The following RBKS variants were observed in gnomAD, a reference collection of about 807,000 sequenced individuals.
The protein encoded by RBKS is ribokinase.
Under a neutral mutation model 33.9 loss-of-function variants are expected in RBKS, and 33 were observed. The observed-to-expected ratio is 0.97, with a 90% CI of 0.74 to 1.30. RBKS has a LOEUF of 1.30. RBKS is among the 50% of genes most tolerant of loss of function. The pLI is 0.00. For synonymous variants in RBKS, 125 were observed against 143.0 expected (o/e 0.87, Z 0.90); for missense variants, 361 against 392.6 (o/e 0.92, Z 0.68).
At chr2:27,844,263 G>GAAAA (rs1348408045) in intron 4 of RBKS, among the ~76,000 whole-genome samples, 6 of 84,120 alleles carry the variant, frequency 7.1e-5, no homozygotes, top group Admixed American at 1.2e-4. Context: ...CTCTGTCTCA[G>GAAAA]AAAAAAAAAA....
chr2:27,832,373 TA>T (rs1252688518), intron 6 of RBKS, among the ~76,000 whole-genome samples: 1 of 152,206 alleles, frequency 6.6e-6, no homozygotes, highest in Non-Finnish European at 1.5e-5. Flanking sequence ...CTGGCAACTT[TA>T]ATATAGTCCT....
intron 7 of RBKS, among the ~76,000 whole-genome samples, chr2:27,807,245 A>ATATC (rs1441086830): frequency 6.6e-6 from 1 of 152,254 alleles, no homozygotes; most frequent in Admixed American, 6.5e-5. Context: ...ACATTGTGAG[A>ATATC]TGTTCACTAT....
At chr2:27,878,131 T>C (rs557322557) in intron 1 of RBKS, among the ~76,000 whole-genome samples, 186 of 152,030 alleles carry the variant, frequency 1.2e-3, no homozygotes, top group Non-Finnish European at 2.1e-3. Context: ...GCTGCACCCA[T>C]TAACTCGTCA....
intron 7 of RBKS, among the ~76,000 whole-genome samples, chr2:27,814,879 A>C (rs1678057274): frequency 6.6e-6 from 1 of 152,228 alleles, no homozygotes; most frequent in South Asian, 2.1e-4. Flanking sequence ...GAGGAAAGCA[A>C]GAATGAATTG....
intron 2 of RBKS, among the ~76,000 whole-genome samples, chr2:27,855,525 A>G (rs946213660): frequency 7.2e-5 from 11 of 152,222 alleles, no homozygotes; most frequent in Non-Finnish European, 1.5e-4. Flanking sequence ...AGCAGGAAAC[A>G]CTTAACTCAG....
At chr2:27,790,795 A>C (rs1652910604) in intron 7 of RBKS, among the ~76,000 whole-genome samples, 1 of 152,232 alleles carries the variant, frequency 6.6e-6, no homozygotes, top group African/African-American at 2.4e-5. Context: ...AAATGTGGAG[A>C]TACGAGAAGT....
intron 2 of RBKS, 124 bp downstream of exon 2, chr2:27,858,315 T>G: frequency 1.2e-6 from 1 of 850,162 alleles, no homozygotes; most frequent in African/African-American, 1.7e-5. Context: ...TAAATGCCAC[T>G]CTATGTATTA....
intron 7 of RBKS, 31 bp downstream of exon 7, chr2:27,827,536 C>A: frequency 6.6e-7 from 1 of 1,511,016 alleles, no homozygotes; most frequent in Non-Finnish European, 8.8e-7. Context: ...TTTTCAAAGG[C>A]TAAACATGAT....
At chr2:27,847,783 T>C (rs1362706722) in intron 3 of RBKS, among the ~76,000 whole-genome samples, 1 of 152,248 alleles carries the variant, frequency 6.6e-6, no homozygotes, top group African/African-American at 2.4e-5. Context: ...AGCACCTTTT[T>C]CTCCTTGTCA....
intron 5 of RBKS, among the ~76,000 whole-genome samples, chr2:27,838,561 G>A (rs1663370638): frequency 6.6e-6 from 1 of 152,166 alleles, no homozygotes; most frequent in Non-Finnish European, 1.5e-5. Flanking sequence ...AGTCTGACTG[G>A]TAACTAAATT....
At chr2:27,845,384 A>G (rs998809688) in intron 4 of RBKS, among the ~76,000 whole-genome samples, 1 of 152,304 alleles carries the variant, frequency 6.6e-6, no homozygotes, top group Admixed American at 6.5e-5. Context: ...ATTACCACCT[A>G]TAGTCTTGAG....
intron 5 of RBKS, among the ~76,000 whole-genome samples, chr2:27,835,568 T>TCAC (rs1678502913): frequency 6.9e-6 from 1 of 145,410 alleles, no homozygotes; most frequent in African/African-American, 2.6e-5. Flanking sequence ...AATGGGCCTA[T>TCAC]CACCATGCTT....
chr2:27,866,613 T>A (rs75671675), intron 1 of RBKS, among the ~76,000 whole-genome samples: 3,487 of 152,296 alleles, frequency 0.023, 120 homozygotes, highest in African/African-American at 0.078. Flanking sequence ...TAATCTCTTT[T>A]ACTAGTTTTT....
intron 1 of RBKS, among the ~76,000 whole-genome samples, chr2:27,887,979 C>T (rs1019614368): frequency 6.6e-6 from 1 of 152,130 alleles, no homozygotes; most frequent in African/African-American, 2.4e-5. Flanking sequence ...ACACCACTCC[C>T]CTACCCCACC....
chr2:27,814,481 C>T (rs1040370026), intron 7 of RBKS, among the ~76,000 whole-genome samples: 1 of 152,006 alleles, frequency 6.6e-6, no homozygotes, highest in Non-Finnish European at 1.5e-5. Flanking sequence ...ATCTGATTTG[C>T]CTTGGACTAG....
In RBKS at chr2:27,873,490, T is replaced by C. The variant is rs116572831; in HGVS notation, c.90-14919A>G. ...ACCAAAGAACTGCTTATGATTTTCA[T>C]TGAGACAGCCTGAAGGACTTTAAAA... On this transcript the variant is annotated intron_variant, in intron 1 of 7. Coordinates refer to ENST00000302188, the MANE Select transcript of RBKS (RefSeq NM_022128.3). Among the ~76,000 whole-genome samples, 784 of 152,334 alleles carry C rather than the reference T, an allele frequency of 5.1e-3. 6 individuals are homozygous for C. The highest frequency in any genetic ancestry group is 0.018 in the African/African-American group (738 of 41,574).
intron 1 of RBKS, among the ~76,000 whole-genome samples, chr2:27,873,352 C>T (rs987392579): frequency 2.4e-4 from 36 of 152,170 alleles, no homozygotes; most frequent in Non-Finnish European, 1.0e-4. Flanking sequence ...CCCTCCTTCC[C>T]TCCACAAATG....
chr2:27,873,266 T>G (rs1004980275), intron 1 of RBKS, among the ~76,000 whole-genome samples: 1 of 152,152 alleles, frequency 6.6e-6, no homozygotes, highest in Non-Finnish European at 1.5e-5. Context: ...AGGGTTAAAG[T>G]TCTGCTGGAA....
chr2:27,826,127 C>A (rs1399318609), intron 7 of RBKS, among the ~76,000 whole-genome samples: 1 of 152,174 alleles, frequency 6.6e-6, no homozygotes, highest in Non-Finnish European at 1.5e-5. Context: ...TGGTAAAGCA[C>A]ATTTTGAAAG....
Sources: allele counts gnomAD v4.1 joint callset (sites outside exome capture counted in the v4.1 genomes callset), GRCh38; gene constraint gnomAD v4.1.1; transcripts MANE v1.5; gene names NCBI Gene and HGNC (gene_info 2026-07-23, HGNC 2026-07-21).